The following CEP250 variants were observed in gnomAD, a reference collection of about 807,000 sequenced individuals.
The protein encoded by CEP250 is centrosome-associated protein CEP250.
A neutral mutation model predicts 315.7 loss-of-function variants in CEP250; 242 were observed. The ratio of observed to expected loss-of-function variants is 0.77; its 90% CI spans 0.69 to 0.85. The LOEUF (loss-of-function observed/expected upper bound fraction) is 0.85, where lower values mean the gene tolerates loss of function less well. Ranked by LOEUF, CEP250 falls within the 40% of genes least tolerant of loss-of-function variation. CEP250 has a pLI of 0.00. For synonymous variants in CEP250, 1,088 were observed against 1,175.0 expected (o/e 0.93, Z 1.51); for missense variants, 2,515 against 2,886.4 (o/e 0.87, Z 2.95).
At chr20:35,477,726 G>T in intron 16 of CEP250, 145 bp from the exon 17 acceptor site, 1 of 687,574 alleles carries the variant, frequency 1.5e-6, no homozygotes, top group Non-Finnish European at 2.5e-6. Flanking sequence ...TCAAATGAAT[G>T]GATTTTCCCC....
intron 20 of CEP250, among the ~76,000 whole-genome samples, chr20:35,488,530 C>T (rs183050450): frequency 6.9e-4 from 105 of 151,996 alleles, no homozygotes; most frequent in Admixed American, 1.7e-3. Context: ...CAGGGCTTAA[C>T]GGCAGCCTCA....
rs2296401 is a variant in CEP250, at chr20:35,463,759, C to T, written c.243+128C>T. ...TTGGTGGAAGGCTCTCTTTCTCAGCCTCTGAGAGGTTTATCACACTGATAT... is the reference window on the plus strand; with the variant it reads ...TTGGTGGAAGGCTCTCTTTCTCAGCTTCTGAGAGGTTTATCACACTGATAT... On this transcript the variant is annotated intron_variant, in intron 5 of 34. Transcript: ENST00000397527. 2,506 of 603,430 alleles carry T rather than the reference C, an allele frequency of 4.2e-3. 105 individuals are homozygous for T. In the East Asian group the frequency reaches 0.083, roughly 20 times the overall value. The allele number at this position is 603,430 out of a possible 1,614,324, so 37.4% of individuals were successfully genotyped here.
In CEP250 at chr20:35,496,651, A is replaced by G. The variant is rs1244857242; in HGVS notation, c.3242A>G (p.Glu1081Gly). 1 of 1,614,116 alleles carries G rather than the reference A, an allele frequency of 6.2e-7. No homozygotes were observed. The highest frequency in any genetic ancestry group is 1.7e-5 in the Admixed American group (1 of 60,014). The change falls in exon 25 of 35, where the codon GAG (glutamate) becomes GGG (glycine). Residue 1081 changes from glutamate to glycine, a missense_variant. By Grantham distance (98) the Glu-to-Gly change is moderately conservative. Coordinates refer to ENST00000397527, the MANE Select transcript of CEP250 (RefSeq NM_007186.6). ...LQEADSIRQQ[E>G]LSALRQDMQE... ...GAAGCTGACTCTATTCGACAACAAGAGCTGAGTGCCCTGCGCCAGGACATG... is the reference window on the plus strand; with the variant it reads ...GAAGCTGACTCTATTCGACAACAAGGGCTGAGTGCCCTGCGCCAGGACATG...
In CEP250 at chr20:35,512,763, C is replaced by A. The variant is rs1476893228; in HGVS notation, c.*1137C>A. On this transcript the variant is annotated 3_prime_UTR_variant, in exon 35 of 35. Transcript: ENST00000397527. The stretch of plus-strand genomic sequence containing the variant: ...AAGCTGGAGTGCAGTGGCACAATCA[C>A]ATCTTACTGCAGCCTGAAACTCCTG... 1 of 152,252 alleles carries A rather than the reference C, an allele frequency of 6.6e-6. No homozygotes were observed. Among genetic ancestry groups the A allele is most frequent in the Admixed American group, 6.5e-5 (1 of 15,290 alleles). 9.4% of individuals were successfully genotyped at this position (152,252 alleles called of 1,614,324 possible). A position where few individuals can be genotyped will look rare whatever the true frequency, so the allele number is the denominator to read the frequency against.
rs1010377898 is a variant in CEP250 at position 35,456,152 on chromosome 20, C to T, written c.-298+401C>T. 2.6e-5 allele frequency among the ~76,000 whole-genome samples: 4 copies of T among 152,342 alleles called. No homozygotes were observed. The South Asian group carries it at 6.2e-4, about 24-fold the overall frequency. ...TCAGGTGATCCGCCCGCTTCGGCCT[C>T]CCAAAGTGCTGGGATTACAGGCGTG... On this transcript the variant is annotated intron_variant, in intron 1 of 34. Transcript: ENST00000397527.
At position 35,486,160 on chromosome 20, in the gene CEP250, G is replaced by A. The variant is rs192770714; in HGVS notation, c.2587-4477G>A. ...CTCCCAAGTAGCTGGGATTACAGGC[G>A]CATGCTACCACACCTGGCTAATTTT... is the stretch of plus-strand genomic sequence containing the variant. On this transcript the variant is annotated intron_variant, in intron 20 of 34. Transcript: ENST00000397527. Among the ~76,000 whole-genome samples the A allele has an allele frequency of 5.9e-5, 9 of 151,282 alleles. No homozygotes were observed. The East Asian group carries it at 1.2e-3, about 20-fold the overall frequency.
chr20:35,510,155 C>T, intron 34 of CEP250, 101 bp downstream of exon 34: 1 of 1,132,114 alleles, frequency 8.8e-7, no homozygotes, highest in South Asian at 1.3e-5. Flanking sequence ...CAGAGAACTT[C>T]AGTCTCCATG....
intron 20 of CEP250, among the ~76,000 whole-genome samples, chr20:35,484,411 A>C (rs1390032704): frequency 6.6e-6 from 1 of 152,132 alleles, no homozygotes; most frequent in Admixed American, 6.6e-5. Flanking sequence ...TGTGGTTATG[A>C]ATTTTCAGAG....
Position 35,501,913 on chromosome 20 carries a change from G to T in CEP250, c.3967G>T (p.Ala1323Ser), listed in dbSNP as rs114063154. The T allele has an allele frequency of 1.2e-6, 2 of 1,613,644 alleles. No homozygotes were observed. The highest frequency in any genetic ancestry group is 2.2e-5 in the East Asian group (1 of 44,880). Residue 1323 changes from alanine to serine, a missense_variant, in exon 29 of 35, where the codon GCA becomes TCA. Coordinates refer to ENST00000397527, the MANE Select transcript of CEP250 (RefSeq NM_007186.6). ...SELMELHETM[A>S]SLQSRLRRAE... ...GCTGATGGAACTACATGAAACTATG[G>T]CATCCTTACAGAGTCGCCTGCGGAG...
chr20:35,501,480 C>T (rs1021006763), intron 28 of CEP250, among the ~76,000 whole-genome samples: 1 of 152,134 alleles, frequency 6.6e-6, no homozygotes, highest in Non-Finnish European at 1.5e-5. Context: ...ACCCGGGTCT[C>T]TAGGAGCTCC....
intron 28 of CEP250, among the ~76,000 whole-genome samples, chr20:35,501,601 A>T (rs2064004594): frequency 6.6e-6 from 1 of 152,104 alleles, no homozygotes; most frequent in Non-Finnish European, 1.5e-5. Context: ...ACATATTGGG[A>T]TGATTACCAG....
intron 2 of CEP250, among the ~76,000 whole-genome samples, chr20:35,458,966 C>CTTTTTTTTTTTT (rs778598883): frequency 5.1e-5 from 3 of 59,226 alleles, no homozygotes; most frequent in Admixed American, 3.1e-4. Context: ...TAATGCAAAT[C>CTTTTTTTTTTTT]TTTTTTTTTT....
Position 35,477,976 on chromosome 20 carries a change from C to T in CEP250, c.1969C>T (p.Leu657=). 1.2e-6 allele frequency: 2 copies of T among 1,613,650 alleles called. No individual in the cohort carries two copies. Among genetic ancestry groups the T allele is most frequent in the South Asian group, 2.2e-5 (2 of 90,922 alleles). The change falls in exon 17 of 35, where the codon CTG becomes TTG. Residue 657 remains leucine, a synonymous_variant. Transcript: ENST00000397527. The part of the protein sequence containing the change: ...LAEAEKRREA[L]WEKNTHLEAQ... ...GGAGGCAGAGAAGAGGAGGGAAGCC[C>T]TGTGGGAAAAGAACACTCACCTGGA... is the stretch of plus-strand genomic sequence containing the variant.
At chr20:35,510,158 T>G in intron 34 of CEP250, 104 bp downstream of exon 34, 1 of 1,095,536 alleles carries the variant, frequency 9.1e-7, no homozygotes, top group African/African-American at 1.5e-5. Context: ...AGAACTTCAG[T>G]CTCCATGGGA....
rs533427838 is a variant in CEP250, at chr20:35,495,724, T to C, written c.3168-853T>C. On this transcript the variant is annotated intron_variant, in intron 24 of 34. Transcript: ENST00000397527. ...GAGATCACACCACTGCACTCCAGCC[T>C]CGGTGACAGAACGAGACTCCATCTC... is the stretch of plus-strand genomic sequence containing the variant. 4.8e-4 allele frequency among the ~76,000 whole-genome samples: 73 copies of C among 152,140 alleles called. 1 individual carries two copies. The South Asian group carries it at 0.014, about 29-fold the overall frequency.
intron 30 of CEP250, among the ~76,000 whole-genome samples, chr20:35,506,694 T>A (rs2064193789): frequency 6.6e-6 from 1 of 152,060 alleles, no homozygotes; most frequent in Non-Finnish European, 1.5e-5. Context: ...AACTCCAAAG[T>A]TCACAGGGTT....
chr20:35,459,445 T>G (rs2146644561), intron 2 of CEP250, among the ~76,000 whole-genome samples: 1 of 152,242 alleles, frequency 6.6e-6, no homozygotes, highest in Non-Finnish European at 1.5e-5. Flanking sequence ...TTATTAGAGA[T>G]ATTAGGTTGA....
intron 20 of CEP250, among the ~76,000 whole-genome samples, chr20:35,483,275 G>A (rs191354292): frequency 9.3e-5 from 14 of 150,938 alleles, no homozygotes; most frequent in South Asian, 8.4e-4. Context: ...AGCTGAGATC[G>A]CGCCATTACA....
intron 20 of CEP250, among the ~76,000 whole-genome samples, chr20:35,487,460 ACT>A (rs2063547400): frequency 6.6e-6 from 1 of 151,732 alleles, no homozygotes; most frequent in South Asian, 2.1e-4. Context: ...ACAGAGTGAG[ACT>A]CTGTCTCAAA....
Sources: gnomAD v4.1 joint callset for allele counts (sites outside exome capture counted in the v4.1 genomes callset) on GRCh38, gnomAD v4.1.1 for gene constraint, MANE v1.5 for transcripts, NCBI Gene and HGNC (gene_info 2026-07-23, HGNC 2026-07-21) for gene names.